Variants in CADM2 observed in about 807,000 individuals in gnomAD.
The protein encoded by CADM2 is cell adhesion molecule 2, also known as immunoglobulin superfamily member 4D.
Under a neutral mutation model 49.8 loss-of-function variants are expected in CADM2, and 12 were observed. The ratio of observed to expected loss-of-function variants is 0.24; its 90% CI spans 0.15 to 0.39. The LOEUF is 0.39. CADM2 is among the 10% of genes least tolerant of loss of function. The pLI is 1.00. For synonymous variants in CADM2, 214 were observed against 175.4 expected (o/e 1.22, Z -1.74); for missense variants, 378 against 492.3 (o/e 0.77, Z 2.20).
chr3:85,302,799 A>G (rs2044131138), intron 1 of CADM2, among the ~76,000 whole-genome samples: 1 of 151,990 alleles, frequency 6.6e-6, no homozygotes, highest in Non-Finnish European at 1.5e-5. Flanking sequence ...GCTATGTAAT[A>G]TAACAATTGT....
intron 8 of CADM2, among the ~76,000 whole-genome samples, chr3:86,003,669 C>G (rs921602921): frequency 6.6e-6 from 1 of 152,124 alleles, no homozygotes; most frequent in South Asian, 2.1e-4. Context: ...CTCACAGATA[C>G]AGATCCATGG....
intron 1 of CADM2, among the ~76,000 whole-genome samples, chr3:85,156,124 A>G (rs1307563727): frequency 6.6e-6 from 1 of 152,180 alleles, no homozygotes; most frequent in East Asian, 1.9e-4. Context: ...AACTAAAATC[A>G]GAGCAGAACT....
chr3:85,354,368 G>T (rs1334738452), intron 1 of CADM2, among the ~76,000 whole-genome samples: 3 of 110,986 alleles, frequency 2.7e-5, no homozygotes, highest in South Asian at 7.4e-4. Flanking sequence ...TGGGGGGAGG[G>T]GGGAGGGATA....
chr3:85,881,449 T>A (rs1712760171), intron 3 of CADM2, among the ~76,000 whole-genome samples: 1 of 150,986 alleles, frequency 6.6e-6, no homozygotes, highest in East Asian at 1.9e-4. Flanking sequence ...ACTAGTAAGT[T>A]TTTTTTATTA....
intron 1 of CADM2, among the ~76,000 whole-genome samples, chr3:85,145,449 G>A (rs1281834480): frequency 6.6e-6 from 1 of 151,556 alleles, no homozygotes; most frequent in African/African-American, 2.4e-5. Context: ...TGGTGTCCCT[G>A]TGTAGAACTA....
chr3:85,658,248 T>C (rs899426109), intron 1 of CADM2, among the ~76,000 whole-genome samples: 2 of 151,866 alleles, frequency 1.3e-5, no homozygotes, highest in Admixed American at 6.6e-5. Flanking sequence ...GAGAATGCCA[T>C]GTGAAGATGA....
At chr3:85,025,692 C>G (rs2034692289) in intron 1 of CADM2, among the ~76,000 whole-genome samples, 1 of 152,046 alleles carries the variant, frequency 6.6e-6, no homozygotes, top group African/African-American at 2.4e-5. Flanking sequence ...CACCTGCTTA[C>G]AAAATCATCC....
Position 85,890,563 on chromosome 3 carries a change from C to G in CADM2, c.529+4236C>G, listed in dbSNP as rs549680087. Reference sequence around the variant, plus strand: ...ATGTATTCTGATAGATTATCGGACCCAGAAGGAATTTCCTTGTCAGTAATT... The same window carrying G: ...ATGTATTCTGATAGATTATCGGACCGAGAAGGAATTTCCTTGTCAGTAATT... On this transcript the variant is annotated intron_variant, in intron 5 of 9. Transcript: ENST00000383699. Among the ~76,000 whole-genome samples, 26 of 152,082 alleles carry G rather than the reference C, an allele frequency of 1.7e-4. 1 individual carries two copies. Among genetic ancestry groups the G allele is most frequent in the Admixed American group, 1.7e-3 (26 of 15,274 alleles).
intron 1 of CADM2, among the ~76,000 whole-genome samples, chr3:85,601,173 T>TATACAC (rs1469920736): frequency 3.0e-5 from 3 of 99,452 alleles, no homozygotes; most frequent in African/African-American, 9.7e-5. Flanking sequence ...TATATATATA[T>TATACAC]ACACACACAC....
At position 86,009,285 on chromosome 3, in the gene CADM2, G is replaced by A. The variant is rs1199227013; in HGVS notation, c.970+47638G>A. Among the ~76,000 whole-genome samples the A allele has an allele frequency of 5.4e-5, 8 of 149,172 alleles. No individual in the cohort carries two copies. The East Asian group carries it at 7.8e-4, about 15-fold the overall frequency. On this transcript the variant is annotated intron_variant, in intron 8 of 9. Coordinates refer to ENST00000383699, the MANE Select transcript of CADM2 (RefSeq NM_001167675.2). The stretch of plus-strand genomic sequence containing the variant: ...CAATCAAAAGCAAAATGGTATATAC[G>A]TACCTACAATGATGACATTACCTAT...
At chr3:85,002,488 A>G (rs1307675670) in intron 1 of CADM2, among the ~76,000 whole-genome samples, 1 of 152,154 alleles carries the variant, frequency 6.6e-6, no homozygotes, top group African/African-American at 2.4e-5. Flanking sequence ...CTGTAAAGGC[A>G]TACAGATTCA....
intron 8 of CADM2, among the ~76,000 whole-genome samples, 164 bp from the exon 9 acceptor site, chr3:86,065,441 A>G (rs1739192649): frequency 6.6e-6 from 1 of 152,242 alleles, no homozygotes; most frequent in African/African-American, 2.4e-5. Context: ...ATCCCCAGAT[A>G]CCTTGTATAT....
intron 1 of CADM2, among the ~76,000 whole-genome samples, chr3:85,344,914 G>T (rs1398261202): frequency 6.6e-6 from 1 of 152,060 alleles, no homozygotes; most frequent in African/African-American, 2.4e-5. Flanking sequence ...TAGGGATAGA[G>T]CTAGTTCTTT....
intron 1 of CADM2, among the ~76,000 whole-genome samples, chr3:85,280,419 ATATTCT>A (rs1391946822): frequency 6.6e-6 from 1 of 151,034 alleles, no homozygotes; most frequent in Non-Finnish European, 1.5e-5. Context: ...AAGTCTTCTG[ATATTCT>A]TATTGAGATT....
chr3:84,978,964 A>G (rs973272698), intron 1 of CADM2, among the ~76,000 whole-genome samples: 1 of 152,144 alleles, frequency 6.6e-6, no homozygotes, highest in Non-Finnish European at 1.5e-5. Flanking sequence ...TAGGGCATCG[A>G]GAATTAAAGT....
intron 8 of CADM2, among the ~76,000 whole-genome samples, chr3:86,046,991 T>C (rs1046268882): frequency 4.6e-5 from 7 of 152,050 alleles, no homozygotes; most frequent in African/African-American, 1.7e-4. Flanking sequence ...AAAATTTGGG[T>C]ATTCTATAAT....
chr3:85,321,117 T>TATATATATATATA (rs1559778035), intron 1 of CADM2, among the ~76,000 whole-genome samples: 21 of 4,716 alleles, frequency 4.5e-3, no homozygotes, highest in Non-Finnish European at 7.0e-3. Context: ...TATATATATA[T>TATATATATATATA]TTTTTTTTTT....
intron 1 of CADM2, among the ~76,000 whole-genome samples, chr3:85,080,783 C>T (rs1445783269): frequency 6.6e-6 from 1 of 151,290 alleles, no homozygotes; most frequent in East Asian, 1.9e-4. Context: ...GTTTTTAGTC[C>T]TATATTATTT....
chr3:85,922,997 A>AT (rs1159417623), intron 6 of CADM2, among the ~76,000 whole-genome samples: 3 of 151,332 alleles, frequency 2.0e-5, no homozygotes, highest in African/African-American at 4.9e-5. Flanking sequence ...AATTTTTTGT[A>AT]TTTTTTTAGT....
Sources: allele counts gnomAD v4.1 joint callset (sites outside exome capture counted in the v4.1 genomes callset), GRCh38; gene constraint gnomAD v4.1.1; transcripts MANE v1.5; gene names NCBI Gene and HGNC (gene_info 2026-07-23, HGNC 2026-07-21).